Variants in CCSER1 observed in about 807,000 individuals in gnomAD.
CCSER1 encodes the protein serine-rich coiled-coil domain-containing protein 1.
Under a neutral mutation model 82.0 loss-of-function variants are expected in CCSER1, and 41 were observed. That is an observed-to-expected ratio of 0.50 (90% CI 0.39 to 0.65). CCSER1 has a LOEUF of 0.65. Among genes scored for constraint, CCSER1 ranks in the 30% least tolerant of loss-of-function variants. CCSER1 has a pLI of 0.00. For synonymous variants in CCSER1, 414 were observed against 383.9 expected, an observed-to-expected ratio of 1.08 and a Z score of -0.92; for missense variants, 1,119 against 1,064.2, an observed-to-expected ratio of 1.05 and a Z score of -0.72.
At chr4:91,081,021 C>A (rs1376338262) in intron 9 of CCSER1, among the ~76,000 whole-genome samples, 1 of 152,110 alleles carries the variant, frequency 6.6e-6, no homozygotes, top group African/African-American at 2.4e-5. Context: ...TTATTCCAAT[C>A]AATAGAAAAA....
At chr4:90,575,894 A>G (rs1466183140) in intron 5 of CCSER1, among the ~76,000 whole-genome samples, 1 of 152,052 alleles carries the variant, frequency 6.6e-6, no homozygotes, top group African/African-American at 2.4e-5. Flanking sequence ...CTTCACTCTC[A>G]TTCTCTGGAG....
chr4:90,582,155 ACT>A (rs1781481654), intron 5 of CCSER1, among the ~76,000 whole-genome samples: 1 of 151,980 alleles, frequency 6.6e-6, no homozygotes, highest in Admixed American at 6.6e-5. Flanking sequence ...AAAAATAAGC[ACT>A]CTCTGTAAAT....
At chr4:90,879,817 G>C (rs1721026189) in intron 8 of CCSER1, among the ~76,000 whole-genome samples, 1 of 152,140 alleles carries the variant, frequency 6.6e-6, no homozygotes, top group Non-Finnish European at 1.5e-5. Flanking sequence ...TCTCATCTCT[G>C]TGTATGGGTG....
rs138473086 is a variant in CCSER1 at position 90,908,607 on chromosome 4, A to G, written c.2095-14763A>G. On this transcript the variant is annotated intron_variant, in intron 8 of 10. Coordinates refer to ENST00000509176, the MANE Select transcript of CCSER1 (RefSeq NM_001145065.2). Reference sequence around the variant, plus strand: ...ATCGTATGATTTTAAGATGCAATAAATATATAGTTATTCATGAAATATTTT... The same window carrying G: ...ATCGTATGATTTTAAGATGCAATAAGTATATAGTTATTCATGAAATATTTT... Among the ~76,000 whole-genome samples the G allele has an allele frequency of 9.2e-3, 1,396 of 152,250 alleles. 16 individuals are homozygous for G. Among genetic ancestry groups the G allele is most frequent in the Non-Finnish European group, 0.011 (750 of 68,006 alleles).
chr4:90,504,988 G>A (rs1770476089), intron 5 of CCSER1, among the ~76,000 whole-genome samples: 2 of 152,064 alleles, frequency 1.3e-5, no homozygotes, highest in South Asian at 4.2e-4. Flanking sequence ...AAGACACTAG[G>A]CCTAAAACAA....
At position 91,561,619 on chromosome 4, in the gene CCSER1, G is replaced by A. The variant is rs550690985; in HGVS notation, c.2218-36953G>A. Among the ~76,000 whole-genome samples the A allele has an allele frequency of 1.2e-4, 18 of 151,618 alleles. No individual in the cohort carries two copies. The East Asian group carries it at 2.9e-3, about 25-fold the overall frequency. On this transcript the variant is annotated intron_variant, in intron 10 of 10. Transcript: ENST00000509176. ...CTTTACATAGAAATTTAAGCCCCAT[G>A]AGGGGAAAATCTTGATCTTGTTCAC...
intron 10 of CCSER1, among the ~76,000 whole-genome samples, chr4:91,326,427 C>G (rs1375175094): frequency 1.3e-5 from 2 of 152,124 alleles, no homozygotes; most frequent in Non-Finnish European, 2.9e-5. Flanking sequence ...AGAACTCATT[C>G]ACTATCACTA....
intron 7 of CCSER1, among the ~76,000 whole-genome samples, chr4:90,759,774 C>G (rs894035040): frequency 7.2e-5 from 11 of 152,096 alleles, no homozygotes; most frequent in Non-Finnish European, 1.3e-4. Flanking sequence ...TGATTTAATT[C>G]TTTCTGATAA....
chr4:91,432,664 C>G (rs58385938), intron 10 of CCSER1, among the ~76,000 whole-genome samples: 1 of 152,000 alleles, frequency 6.6e-6, no homozygotes, highest in Non-Finnish European at 1.5e-5. Context: ...ATTTTATAAT[C>G]ATAAAAGGGA....
At chr4:90,760,816 C>T (rs1006024521) in intron 7 of CCSER1, among the ~76,000 whole-genome samples, 8 of 151,992 alleles carry the variant, frequency 5.3e-5, no homozygotes, top group Non-Finnish European at 1.0e-4. Context: ...AAAACAAATA[C>T]GGCCAACAAA....
chr4:90,915,377 C>A (rs112309715), intron 8 of CCSER1, among the ~76,000 whole-genome samples: 35,333 of 152,038 alleles, frequency 0.23, 4,841 homozygotes, highest in Non-Finnish European at 0.31. Context: ...AACCAATAAA[C>A]GTAACCCAGC....
intron 8 of CCSER1, among the ~76,000 whole-genome samples, chr4:90,826,458 A>C (rs540891154): frequency 3.3e-5 from 5 of 152,246 alleles, no homozygotes; most frequent in Non-Finnish European, 5.9e-5. Context: ...TCAAGGAAGC[A>C]AAGGGAGATA....
At chr4:90,242,159 T>C (rs934292039) in intron 1 of CCSER1, among the ~76,000 whole-genome samples, 2 of 152,120 alleles carry the variant, frequency 1.3e-5, no homozygotes, top group South Asian at 4.2e-4. Flanking sequence ...TAAAAAAAAT[T>C]AGCTGGGCAT....
intron 9 of CCSER1, among the ~76,000 whole-genome samples, chr4:91,034,222 G>A (rs1741238030): frequency 6.6e-6 from 1 of 152,160 alleles, no homozygotes; most frequent in Non-Finnish European, 1.5e-5. Context: ...GATGATAGGA[G>A]GATCCTAAAT....
chr4:90,170,754 C>A (rs1212666306), intron 1 of CCSER1, among the ~76,000 whole-genome samples: 1 of 151,598 alleles, frequency 6.6e-6, no homozygotes, highest in East Asian at 1.9e-4. Context: ...ACTATATTTT[C>A]TTTATTCATC....
At chr4:90,304,240 C>T (rs1175851466) in intron 1 of CCSER1, among the ~76,000 whole-genome samples, 6 of 152,168 alleles carry the variant, frequency 3.9e-5, no homozygotes, top group Non-Finnish European at 5.9e-5. Flanking sequence ...GTCAGTGTGG[C>T]GATTCCTCAG....
chr4:90,820,360 C>T (rs1028077137), intron 8 of CCSER1, among the ~76,000 whole-genome samples: 14 of 152,110 alleles, frequency 9.2e-5, no homozygotes, highest in African/African-American at 3.4e-4. Context: ...ATATATTTCT[C>T]ATAGTTCTAG....
At chr4:91,522,862 T>C (rs1760561412) in intron 10 of CCSER1, among the ~76,000 whole-genome samples, 1 of 152,182 alleles carries the variant, frequency 6.6e-6, no homozygotes. Context: ...GAATACCTTT[T>C]ATTTCTTTAT....
At chr4:91,058,917 T>C (rs958794444) in intron 9 of CCSER1, among the ~76,000 whole-genome samples, 2 of 152,044 alleles carry the variant, frequency 1.3e-5, no homozygotes, top group Non-Finnish European at 2.9e-5. Flanking sequence ...TCATTTGCAC[T>C]GAAGACTTTA....
Sources: allele counts gnomAD v4.1 joint callset (sites outside exome capture counted in the v4.1 genomes callset), GRCh38; gene constraint gnomAD v4.1.1; transcripts MANE v1.5; gene names NCBI Gene and HGNC (gene_info 2026-07-23, HGNC 2026-07-21).